ACTR5: variants seen among roughly 807,000 people sequenced by gnomAD.
ACTR5 encodes the protein actin-related protein 5.
ACTR5 carries 43 observed loss-of-function variants against 61.2 expected under a neutral mutation model. The ratio of observed to expected loss-of-function variants is 0.70; its 90% CI spans 0.55 to 0.91. The LOEUF (loss-of-function observed/expected upper bound fraction) is 0.91, where lower values mean the gene tolerates loss of function less well. Among genes scored for constraint, ACTR5 ranks in the 40% least tolerant of loss-of-function variants. The pLI is 0.00. For synonymous variants in ACTR5, 333 were observed against 310.5 expected, an observed-to-expected ratio of 1.07 and a Z score of -0.76; for missense variants, 798 against 782.2, an observed-to-expected ratio of 1.02 and a Z score of -0.24.
intron 5 of ACTR5, among the ~76,000 whole-genome samples, chr20:38,758,452 G>A (rs567567445): frequency 9.9e-5 from 15 of 152,166 alleles, no homozygotes; most frequent in Non-Finnish European, 1.9e-4. Flanking sequence ...TTCGAGACCA[G>A]CCTGACCAAC....
Position 38,748,702 on chromosome 20 carries a change from C to G in ACTR5, c.224C>G (p.Ala75Gly), listed in dbSNP as rs955846912. Reference protein sequence around the residue: ...CARGRGGARGASGPQVGNALG... With the variant: ...CARGRGGARGGSGPQVGNALG... ...CGCGGTCGTGGCGGGGCACGGGGCG[C>G]GTCGGGCCCGCAGGTGGGGAACGCT... is the stretch of plus-strand genomic sequence containing the variant. The change falls in exon 1 of 9, where the codon GCG becomes GGG. Residue 75 changes from alanine to glycine, a missense_variant. Physicochemically the swap from Ala to Gly is moderately conservative, Grantham distance 60. Transcript: ENST00000243903. 1 of 1,525,884 alleles carries G rather than the reference C, an allele frequency of 6.6e-7. No homozygotes were observed. The highest frequency in any genetic ancestry group is 8.8e-7 in the Non-Finnish European group (1 of 1,138,126). The allele number at this position is 1,525,884 out of a possible 1,614,324, so 94.5% of individuals were successfully genotyped here. A position where few individuals can be genotyped will look rare whatever the true frequency, so the allele number is the denominator to read the frequency against.
At position 38,767,582 on chromosome 20, in the gene ACTR5, C is replaced by G. The variant is rs779564620; in HGVS notation, c.1552C>G (p.Arg518Gly). 2.5e-6 allele frequency: 4 copies of G among 1,612,150 alleles called. No homozygotes were observed. The African/African-American group carries it at 4.0e-5, about 16-fold the overall frequency. ...GGAACTGTTGGAGATGAGACCCTTCCGGTCTTCTTTTCAGGTACTGATTGT... is the reference window on the plus strand; with the variant it reads ...GGAACTGTTGGAGATGAGACCCTTCGGGTCTTCTTTTCAGGTACTGATTGT... ...EKELLEMRPF[R>G]SSFQVQLASN... Residue 518 changes from arginine to glycine, a missense_variant, in exon 8 of 9, where the codon CGG becomes GGG. Coordinates refer to ENST00000243903, the MANE Select transcript of ACTR5 (RefSeq NM_024855.4).
At chr20:38,749,665 TAGG>T (rs1458173193) in intron 1 of ACTR5, among the ~76,000 whole-genome samples, 1 of 152,204 alleles carries the variant, frequency 6.6e-6, no homozygotes, top group African/African-American at 2.4e-5. Context: ...AGGGACGAGT[TAGG>T]AGGCTGTTGG....
At chr20:38,764,544 G>A (rs1006264402) in intron 5 of ACTR5, among the ~76,000 whole-genome samples, 1 of 152,184 alleles carries the variant, frequency 6.6e-6, no homozygotes, top group African/African-American at 2.4e-5. Context: ...GGTCATAGAG[G>A]GAACTTGTTC....
At chr20:38,754,215 T>A (rs925985411) in intron 3 of ACTR5, among the ~76,000 whole-genome samples, 3 of 152,214 alleles carry the variant, frequency 2.0e-5, no homozygotes, top group Non-Finnish European at 2.9e-5. Context: ...TCATTTCTGT[T>A]GCTCTTCCTT....
intron 3 of ACTR5, among the ~76,000 whole-genome samples, chr20:38,753,329 T>C (rs1367675149): frequency 1.3e-5 from 2 of 152,172 alleles, no homozygotes; most frequent in Admixed American, 1.3e-4. Context: ...TACATATGCT[T>C]TCTCTTTATA....
At chr20:38,759,958 C>A (rs559830589) in intron 5 of ACTR5, among the ~76,000 whole-genome samples, 1 of 151,580 alleles carries the variant, frequency 6.6e-6, no homozygotes, top group Non-Finnish European at 1.5e-5. Flanking sequence ...TTGTGCCCAG[C>A]GCTTTGAGAC....
In ACTR5 at chr20:38,766,253, G is replaced by A. The variant is rs1234819190; in HGVS notation, c.1309G>A (p.Ala437Thr). 5 of 1,609,746 alleles carry A rather than the reference G, an allele frequency of 3.1e-6. No homozygotes were observed. The highest frequency in any genetic ancestry group is 2.2e-5 in the East Asian group (1 of 44,884). ...VTTVQPVFNL[A>T]AYHQLFVGTE... ...GTTTTTAAAGCCCGTGTTTAACTTG[G>A]CAGCATATCATCAGCTATTTGTTGG... The change falls in exon 7 of 9, where the codon GCA becomes ACA. Residue 437 changes from alanine to threonine, a missense_variant. Ala to Thr is a moderately conservative substitution (Grantham distance 58). Transcript: ENST00000243903.
chr20:38,769,962 A>G (rs1265166654), intron 8 of ACTR5, among the ~76,000 whole-genome samples: 1 of 152,172 alleles, frequency 6.6e-6, no homozygotes, highest in Non-Finnish European at 1.5e-5. Flanking sequence ...AAAAAATCGT[A>G]GAGGATTTTC....
At chr20:38,768,668 T>C (rs1296005989) in intron 8 of ACTR5, among the ~76,000 whole-genome samples, 2 of 152,186 alleles carry the variant, frequency 1.3e-5, no homozygotes, top group Non-Finnish European at 2.9e-5. Flanking sequence ...AGCACGTGTT[T>C]GGCATAAACC....
Position 38,756,001 on chromosome 20 carries a change from G to A in ACTR5, c.1138G>A (p.Val380Ile). The A allele has an allele frequency of 6.2e-7, 1 of 1,613,732 alleles. No homozygotes were observed. Among genetic ancestry groups the A allele is most frequent in the Non-Finnish European group, 8.5e-7 (1 of 1,179,996 alleles). Residue 380 changes from valine (V) to isoleucine (I), a missense_variant, in exon 5 of 9, where the codon GTC becomes ATC. By Grantham distance (29) the Val-to-Ile change is conservative. Transcript: ENST00000243903. Reference protein sequence around the residue: ...QAKQKILQAEVNLEVDVVDSK... With the variant: ...QAKQKILQAEINLEVDVVDSK... The stretch of plus-strand genomic sequence containing the variant: ...TAAGCAGAAAATCCTCCAAGCGGAA[G>A]TCAACCTCGAGGTGGATGTGGTAGA...
rs888796061 is a variant in ACTR5 at position 38,755,979 on chromosome 20, G to A, written c.1116G>A (p.Lys372=). The change falls in exon 5 of 9, where the codon AAG becomes AAA. Residue 372 remains lysine (K), a synonymous_variant. Transcript: ENST00000243903. ...QKLSIAVEQA[K]QKILQAEVNL... ...TCAGTATAGCAGTGGAGCAGGCTAA[G>A]CAGAAAATCCTCCAAGCGGAAGTCA... 1.1e-5 allele frequency: 18 copies of A among 1,613,952 alleles called. No homozygotes were observed. The highest frequency in any genetic ancestry group is 1.7e-4 in the Middle Eastern group (1 of 5,998).
At chr20:38,764,713 C>G (rs2084474924) in intron 5 of ACTR5, among the ~76,000 whole-genome samples, 1 of 152,192 alleles carries the variant, frequency 6.6e-6, no homozygotes, top group Admixed American at 6.5e-5. Flanking sequence ...CTCTTTCACC[C>G]AGGCTGGATT....
intron 7 of ACTR5, 48 bp downstream of exon 7, chr20:38,766,425 T>G: frequency 6.5e-7 from 1 of 1,534,894 alleles, no homozygotes; most frequent in East Asian, 2.3e-5. Flanking sequence ...AACCATTTCC[T>G]TGGATTTTGC....
Position 38,767,492 on chromosome 20 carries a change from GTTCAGAACGTTT to G in ACTR5, c.1464_1475del (p.Gln489_Phe492del). On this transcript the variant is annotated inframe_deletion, in exon 8 of 9. Transcript: ENST00000243903. Reference sequence around the variant, plus strand: ...CCCAAAGGACATTCAGGAAATGCTGGTTCAGAACGTTTTCCTCACTGGCGGCAACACGATGTA... The same window carrying G: ...CCCAAAGGACATTCAGGAAATGCTGGTCCTCACTGGCGGCAACACGATGTA... The G allele has an allele frequency of 6.2e-7, 1 of 1,613,994 alleles. No individual in the cohort carries two copies. The highest frequency in any genetic ancestry group is 8.5e-7 in the Non-Finnish European group (1 of 1,179,942).
intron 3 of ACTR5, among the ~76,000 whole-genome samples, chr20:38,754,456 T>C (rs2084405834): frequency 6.6e-6 from 1 of 151,894 alleles, no homozygotes; most frequent in African/African-American, 2.4e-5. Context: ...TGGGGGCTCA[T>C]AGCTGTAATA....
Position 38,748,577 on chromosome 20 carries a change from G to A in ACTR5, c.99G>A (p.Leu33=), listed in dbSNP as rs1181169010. Residue 33 remains leucine (L), a synonymous_variant, in exon 1 of 9, where the codon CTG becomes CTA. Coordinates refer to ENST00000243903, the MANE Select transcript of ACTR5 (RefSeq NM_024855.4). ...PVAHGPLPVP[L]VLDNGSFQVR... The stretch of plus-strand genomic sequence containing the variant: ...CACACGGGCCACTGCCGGTACCGCT[G>A]GTGCTGGACAACGGGTCGTTCCAAG... 1.3e-6 allele frequency: 2 copies of A among 1,521,684 alleles called. No homozygotes were observed. The highest frequency in any genetic ancestry group is 1.8e-6 in the Non-Finnish European group (2 of 1,137,380). The allele number at this position is 1,521,684 out of a possible 1,614,324, so 94.3% of individuals were successfully genotyped here.
At chr20:38,763,846 C>T (rs1452199362) in intron 5 of ACTR5, among the ~76,000 whole-genome samples, 3 of 152,198 alleles carry the variant, frequency 2.0e-5, no homozygotes. Context: ...TGTCACCCAA[C>T]CCATCTTCCT....
intron 5 of ACTR5, 45 bp downstream of exon 5, chr20:38,756,084 G>A: frequency 7.1e-6 from 11 of 1,559,862 alleles, no homozygotes; most frequent in Non-Finnish European, 9.5e-6. Context: ...GAGGGGAGGA[G>A]TGTCCTGAGA....
Sources: allele counts gnomAD v4.1 joint callset (sites outside exome capture counted in the v4.1 genomes callset), GRCh38; gene constraint gnomAD v4.1.1; transcripts MANE v1.5; gene names NCBI Gene and HGNC (gene_info 2026-07-23, HGNC 2026-07-21).